Variants in PATE3 observed in about 807,000 individuals in gnomAD.
The protein encoded by PATE3 is prostate and testis expressed 3.
Under a neutral mutation model 7.4 loss-of-function variants are expected in PATE3, and 7 were observed. That is an observed-to-expected ratio of 0.95 (90% CI 0.54 to 1.78). PATE3 has a LOEUF of 1.78. Ranked by LOEUF, PATE3 falls within the 40% of genes most tolerant of loss-of-function variation. The probability of loss-of-function intolerance (pLI) is 0.00; values close to 1 mark genes in which losing one functional copy is unlikely to be tolerated. For missense variants in PATE3, 117 were observed against 122.5 expected (o/e 0.96, Z 0.21); for synonymous variants, 38 against 40.2 (o/e 0.94, Z 0.21).
intron 2 of PATE3, 58 bp from the exon 3 acceptor site, chr11:125,790,420 A>T (rs1943600124): frequency 6.7e-7 from 1 of 1,492,410 alleles, no homozygotes; most frequent in Non-Finnish European, 9.0e-7. Context: ...GCTGGGTTTG[A>T]CTCACCTTGG....
At chr11:125,790,411 C>T in intron 2 of PATE3, 67 bp from the exon 3 acceptor site, 1 of 1,454,518 alleles carries the variant, frequency 6.9e-7, no homozygotes, top group South Asian at 1.4e-5. Flanking sequence ...AGAACTAGTG[C>T]TGGGTTTGAC....
Position 125,791,206 on chromosome 11 carries a change from A to C in PATE3, c.*604A>C, listed in dbSNP as rs1018686704. The C allele has an allele frequency of 6.6e-6, 1 of 152,032 alleles. No homozygotes were observed. Among genetic ancestry groups the C allele is most frequent in the African/African-American group, 2.4e-5 (1 of 41,348 alleles). The allele number at this position is 152,032 out of a possible 1,614,324, so 9.4% of individuals were successfully genotyped here. The stretch of plus-strand genomic sequence containing the variant: ...CCTCTGTGACATTCACCGAGCTCTC[A>C]CACAGCCACTGCTACTCCTATCGAG... On this transcript the variant is annotated 3_prime_UTR_variant, in exon 3 of 3. Coordinates refer to ENST00000445202, the MANE Select transcript of PATE3 (RefSeq NM_001129883.4).
At position 125,788,132 on chromosome 11, in the gene PATE3, C is replaced by T; in HGVS notation, c.-20C>T. The T allele has an allele frequency of 1.3e-6, 2 of 1,550,894 alleles. No homozygotes were observed. Among genetic ancestry groups the T allele is most frequent in the Non-Finnish European group, 8.7e-7 (1 of 1,146,446 alleles). ...CAGCCCCTAGCTTCTTTTTCCTGCA[C>T]AAGGGATTTCCGGGTCAGGATGAAC... is the stretch of plus-strand genomic sequence containing the variant. On this transcript the variant is annotated 5_prime_UTR_variant, in exon 1 of 3. Transcript: ENST00000445202.
At chr11:125,789,259 C>T in intron 1 of PATE3, 127 bp from the exon 2 acceptor site, 1 of 947,458 alleles carries the variant, frequency 1.1e-6, no homozygotes, top group African/African-American at 1.6e-5. Context: ...CCTAAATACC[C>T]CAACCAGTAG....
rs1943611446 is a variant in PATE3 at position 125,791,561 on chromosome 11, C to T, written c.*959C>T. 1 of 152,230 alleles carries T rather than the reference C, an allele frequency of 6.6e-6. No homozygotes were observed. Among genetic ancestry groups the T allele is most frequent in the South Asian group, 2.1e-4 (1 of 4,832 alleles). The allele number at this position is 152,230 out of a possible 1,614,324, so 9.4% of individuals were successfully genotyped here. A position where few individuals can be genotyped will look rare whatever the true frequency, so the allele number is the denominator to read the frequency against. ...CTGGGTCAAAGAGATTTGTCTGTCC[C>T]TTGCTGCCCATCTTTAAGTAATAAA... On this transcript the variant is annotated 3_prime_UTR_variant, in exon 3 of 3. Transcript: ENST00000445202.
Position 125,790,831 on chromosome 11 carries a change from A to T in PATE3, c.*229A>T, listed in dbSNP as rs187173549. Reference sequence around the variant, plus strand: ...ATGGATTTCTTCTATTATTGGGATTATTGGCATGGCCATATTCCAAGAAAC... The same window carrying T: ...ATGGATTTCTTCTATTATTGGGATTTTTGGCATGGCCATATTCCAAGAAAC... On this transcript the variant is annotated 3_prime_UTR_variant, in exon 3 of 3. Coordinates refer to ENST00000445202, the MANE Select transcript of PATE3 (RefSeq NM_001129883.4). 7.4e-6 allele frequency: 3 copies of T among 404,100 alleles called. No individual in the cohort carries two copies. Among genetic ancestry groups the T allele is most frequent in the Admixed American group, 4.4e-5 (1 of 22,662 alleles). 25.0% of individuals were successfully genotyped at this position (404,100 alleles called of 1,614,324 possible).
intron 2 of PATE3, among the ~76,000 whole-genome samples, chr11:125,789,791 A>T (rs1471515686): frequency 6.6e-6 from 1 of 152,190 alleles, no homozygotes; most frequent in African/African-American, 2.4e-5. Context: ...TTTTTCATAC[A>T]AGCCTTCAAT....
Position 125,790,946 on chromosome 11 carries a change from C to T in PATE3, c.*344C>T, listed in dbSNP as rs1232166873. On this transcript the variant is annotated 3_prime_UTR_variant, in exon 3 of 3. Coordinates refer to ENST00000445202, the MANE Select transcript of PATE3 (RefSeq NM_001129883.4). ...AACTAGTTCAGGTACACTAGAAAGC[C>T]TTCAGCTAAAAATTCACAATATTTT... 1.2e-5 allele frequency: 2 copies of T among 170,228 alleles called. No homozygotes were observed. Among genetic ancestry groups the T allele is most frequent in the Admixed American group, 6.3e-5 (1 of 15,750 alleles). 10.5% of individuals were successfully genotyped at this position (170,228 alleles called of 1,614,324 possible). A position where few individuals can be genotyped will look rare whatever the true frequency, so the allele number is the denominator to read the frequency against.
At position 125,788,179 on chromosome 11, in the gene PATE3, C is replaced by T. The variant is rs991132199; in HGVS notation, c.28C>T (p.Leu10Phe). Residue 10 changes from leucine to phenylalanine, a missense_variant, in exon 1 of 3, where the codon CTC becomes TTC. By Grantham distance (22) the Leu-to-Phe change is conservative (BLOSUM62 0). Coordinates refer to ENST00000445202, the MANE Select transcript of PATE3 (RefSeq NM_001129883.4). ...GAACAAACACTTCTTGTTCCTCTTC[C>T]TCCTTTACTGCCTCATTGTGGGTGA... MNKHFLFLF[L>F]LYCLIVAVTS... 2 of 1,551,370 alleles carry T rather than the reference C, an allele frequency of 1.3e-6. No individual in the cohort carries two copies. The highest frequency in any genetic ancestry group is 2.7e-5 in the African/African-American group (2 of 73,040).
chr11:125,789,436 C>G lies in PATE3; in HGVS notation c.100C>G (p.Arg34Gly). Reference protein sequence around the residue: ...ITCHLRTRTDRCRRGFGVCTA... With the variant: ...ITCHLRTRTDGCRRGFGVCTA... Reference sequence around the variant, plus strand: ...ATGCCACCTTCGCACACGGACAGACCGCTGTAGAAGAGGCTTTGGTGTCTG... The same window carrying G: ...ATGCCACCTTCGCACACGGACAGACGGCTGTAGAAGAGGCTTTGGTGTCTG... The change falls in exon 2 of 3, where the codon CGC (arginine) becomes GGC (glycine). Residue 34 changes from arginine (R) to glycine (G), a missense_variant. By Grantham distance (125) the Arg-to-Gly change is moderately radical (BLOSUM62 -2). Transcript: ENST00000445202. The G allele has an allele frequency of 6.4e-7, 1 of 1,551,564 alleles. No individual in the cohort carries two copies. The highest frequency in any genetic ancestry group is 8.7e-7 in the Non-Finnish European group (1 of 1,146,876).
chr11:125,790,311 G>A (rs370744321), intron 2 of PATE3, among the ~76,000 whole-genome samples, 167 bp from the exon 3 acceptor site: 1 of 152,196 alleles, frequency 6.6e-6, no homozygotes, highest in East Asian at 1.9e-4. Context: ...CAGCTGATCA[G>A]TGGCCTCTGT....
In PATE3 at chr11:125,790,603, G is replaced by C. The variant is rs1193669262; in HGVS notation, c.*1G>C. On this transcript the variant is annotated 3_prime_UTR_variant, in exon 3 of 3. Transcript: ENST00000445202. ...CAATTACTGTAACTTTAAACTCTAA[G>C]ATATTTGCCCTCCTGAGGTCTCGCT... is the stretch of plus-strand genomic sequence containing the variant. 2.6e-6 allele frequency: 4 copies of C among 1,550,968 alleles called. No individual in the cohort carries two copies. Among genetic ancestry groups the C allele is most frequent in the East Asian group, 4.9e-5 (2 of 40,906 alleles).
At chr11:125,788,231 G>A in intron 1 of PATE3, 31 bp downstream of exon 1, 1 of 1,539,970 alleles carries the variant, frequency 6.5e-7, no homozygotes, top group East Asian at 2.4e-5. Flanking sequence ...GTATACTTGA[G>A]AGACAGGATC....
At chr11:125,789,572 A>G in intron 2 of PATE3, 64 bp downstream of exon 2, 1 of 1,500,194 alleles carries the variant, frequency 6.7e-7, no homozygotes, top group Non-Finnish European at 9.0e-7. Context: ...GTGCTTCAGC[A>G]ATTTCACATC....
chr11:125,788,617 T>C (rs1943584642), intron 1 of PATE3, among the ~76,000 whole-genome samples: 1 of 152,224 alleles, frequency 6.6e-6, no homozygotes, highest in African/African-American at 2.4e-5. Context: ...AGACTTTATA[T>C]TACAACAAGT....
At chr11:125,790,415 G>C in intron 2 of PATE3, 63 bp from the exon 3 acceptor site, 1 of 1,480,088 alleles carries the variant, frequency 6.8e-7, no homozygotes, top group Non-Finnish European at 9.0e-7. Flanking sequence ...CTAGTGCTGG[G>C]TTTGACTCAC....
At chr11:125,788,870 A>T (rs1414341395) in intron 1 of PATE3, among the ~76,000 whole-genome samples, 2 of 152,160 alleles carry the variant, frequency 1.3e-5, no homozygotes, top group East Asian at 1.9e-4. Flanking sequence ...AAATTTTTTT[A>T]AATTAAACCT....
chr11:125,789,806 A>G (rs956850390), intron 2 of PATE3, among the ~76,000 whole-genome samples: 2 of 152,222 alleles, frequency 1.3e-5, no homozygotes, highest in Admixed American at 6.5e-5. Flanking sequence ...TTCAATGTGT[A>G]ATGATCAAAT....
In PATE3 at chr11:125,789,422, G is replaced by T; in HGVS notation, c.86G>T (p.Arg29Leu). 6.4e-7 allele frequency: 1 copy of T among 1,551,562 alleles called. No homozygotes were observed. Among genetic ancestry groups the T allele is most frequent in the East Asian group, 2.4e-5 (1 of 40,930 alleles). ...TSLQCITCHLRTRTDRCRRGF... is the reference protein window; with the variant it reads ...TSLQCITCHLLTRTDRCRRGF... ...CTTCAGTGCATAACATGCCACCTTC[G>T]CACACGGACAGACCGCTGTAGAAGA... The change falls in exon 2 of 3, where the codon CGC (arginine) becomes CTC (leucine). Residue 29 changes from arginine (R) to leucine (L), a missense_variant. Arg to Leu is a moderately radical substitution (Grantham distance 102). Coordinates refer to ENST00000445202, the MANE Select transcript of PATE3 (RefSeq NM_001129883.4).
Sources: allele counts gnomAD v4.1 joint callset (sites outside exome capture counted in the v4.1 genomes callset), GRCh38; gene constraint gnomAD v4.1.1; transcripts MANE v1.5; gene names NCBI Gene and HGNC (gene_info 2026-07-23, HGNC 2026-07-21).